The following DNAJC3 variants were observed in gnomAD, a reference collection of about 807,000 sequenced individuals.
The protein encoded by DNAJC3 is dnaJ homolog subfamily C member 3.
A neutral mutation model predicts 68.6 loss-of-function variants in DNAJC3; 38 were observed. The ratio of observed to expected loss-of-function variants is 0.55; its 90% CI spans 0.43 to 0.73. The LOEUF (loss-of-function observed/expected upper bound fraction) is 0.73. Among genes scored for constraint, DNAJC3 ranks in the 30% least tolerant of loss-of-function variants. The probability of loss-of-function intolerance (pLI) is 0.00; values close to 1 mark genes in which losing one functional copy is unlikely to be tolerated. For synonymous variants in DNAJC3, 203 were observed against 204.0 expected, an observed-to-expected ratio of 1.00 and a Z score of 0.04; for missense variants, 526 against 591.9, an observed-to-expected ratio of 0.89 and a Z score of 1.16.
intron 11 of DNAJC3, 102 bp downstream of exon 11, chr13:95,787,257 CG>C (rs1318056258): frequency 6.9e-7 from 1 of 1,446,332 alleles, no homozygotes; most frequent in Non-Finnish European, 9.3e-7. Context: ...TAGGCAGTGA[CG>C]GGTCCTGAGC....
chr13:95,740,436 C>G (rs1262128167), intron 4 of DNAJC3, among the ~76,000 whole-genome samples: 6 of 152,224 alleles, frequency 3.9e-5, no homozygotes, highest in Non-Finnish European at 5.9e-5. Context: ...AGTTTGATCT[C>G]AGACTGCTGT....
At chr13:95,691,920 C>T (rs1043436989) in intron 1 of DNAJC3, among the ~76,000 whole-genome samples, 39 of 152,202 alleles carry the variant, frequency 2.6e-4, no homozygotes, top group Non-Finnish European at 4.7e-4. Flanking sequence ...TCAGGCGTGG[C>T]GGCGCGCGCC....
intron 9 of DNAJC3, among the ~76,000 whole-genome samples, chr13:95,764,669 T>TACACACAC (rs1484784238): frequency 1.6e-5 from 2 of 124,456 alleles, no homozygotes; most frequent in African/African-American, 6.6e-5. Flanking sequence ...TATATATATA[T>TACACACAC]ATATATATAT....
chr13:95,770,050 A>G (rs1368669459), intron 9 of DNAJC3, among the ~76,000 whole-genome samples: 2 of 152,234 alleles, frequency 1.3e-5, no homozygotes, highest in African/African-American at 4.8e-5. Flanking sequence ...CTGCAGGTGC[A>G]TAGCTGGGAC....
chr13:95,706,296 C>T (rs1880743489), intron 1 of DNAJC3, among the ~76,000 whole-genome samples: 1 of 152,126 alleles, frequency 6.6e-6, no homozygotes, highest in Non-Finnish European at 1.5e-5. Context: ...TGGGCATGGC[C>T]CCATTCTAGT....
chr13:95,690,653 C>G (rs1402840584), intron 1 of DNAJC3, among the ~76,000 whole-genome samples: 1 of 143,516 alleles, frequency 7.0e-6, no homozygotes, highest in Non-Finnish European at 1.5e-5. Context: ...GGCGGCTGGC[C>G]GGGCGGGGGG....
chr13:95,712,664 G>A (rs967472309), intron 2 of DNAJC3, among the ~76,000 whole-genome samples: 65 of 152,232 alleles, frequency 4.3e-4, no homozygotes, highest in African/African-American at 1.4e-3. Context: ...GAGCCACCGT[G>A]CCTGGCCTAG....
intron 4 of DNAJC3, among the ~76,000 whole-genome samples, chr13:95,739,903 T>C (rs1000539411): frequency 2.0e-5 from 3 of 152,230 alleles, no homozygotes; most frequent in Admixed American, 1.3e-4. Flanking sequence ...TTTTAGAGTT[T>C]CCAGTTTTTC....
intron 1 of DNAJC3, among the ~76,000 whole-genome samples, chr13:95,703,840 T>C (rs1478551538): frequency 6.6e-6 from 1 of 152,172 alleles, no homozygotes; most frequent in African/African-American, 2.4e-5. Flanking sequence ...TTTTTTTTTT[T>C]TTAACCTGAT....
intron 11 of DNAJC3, among the ~76,000 whole-genome samples, chr13:95,788,173 A>C (rs1488635967): frequency 6.6e-6 from 1 of 152,260 alleles, no homozygotes; most frequent in Non-Finnish European, 1.5e-5. Context: ...AATCCAGTAA[A>C]GGAGACAGAA....
intron 9 of DNAJC3, among the ~76,000 whole-genome samples, chr13:95,781,972 G>A (rs752936545): frequency 5.9e-5 from 9 of 151,702 alleles, no homozygotes; most frequent in East Asian, 1.9e-4. Context: ...ACCTCCCCAC[G>A]GGCCCTGGTG....
rs79296486 is a variant in DNAJC3, at chr13:95,696,984, G to A, written c.83-12243G>A. Among the ~76,000 whole-genome samples, 1,239 of 152,224 alleles carry A rather than the reference G, an allele frequency of 8.1e-3. 8 individuals are homozygous for A. Among genetic ancestry groups the A allele is most frequent in the Non-Finnish European group, 0.014 (924 of 68,000 alleles). Reference sequence around the variant, plus strand: ...GTCTTGTTTTTTTATCCAGTTTGCCGTTGTATCTGTTAGGTGGAGCATTTA... The same window carrying A: ...GTCTTGTTTTTTTATCCAGTTTGCCATTGTATCTGTTAGGTGGAGCATTTA... On this transcript the variant is annotated intron_variant, in intron 1 of 11. Transcript: ENST00000602402.
At chr13:95,720,318 A>G (rs1881283081) in intron 2 of DNAJC3, among the ~76,000 whole-genome samples, 1 of 152,194 alleles carries the variant, frequency 6.6e-6, no homozygotes, top group Non-Finnish European at 1.5e-5. Flanking sequence ...CTTAGTGTGA[A>G]TAAGCCATGG....
chr13:95,715,371 G>A (rs982071784), intron 2 of DNAJC3, among the ~76,000 whole-genome samples: 10 of 152,284 alleles, frequency 6.6e-5, no homozygotes, highest in African/African-American at 2.2e-4. Context: ...AGTGTGCTCT[G>A]GCCTGGACAA....
intron 4 of DNAJC3, among the ~76,000 whole-genome samples, chr13:95,750,262 CAAA>C (rs1204619522): frequency 3.0e-5 from 2 of 65,710 alleles, no homozygotes; most frequent in African/African-American, 4.9e-5. Flanking sequence ...GACCCTGTCT[CAAA>C]AAAAAAAAAA....
At chr13:95,777,637 A>G (rs1463578992) in intron 9 of DNAJC3, among the ~76,000 whole-genome samples, 3 of 152,238 alleles carry the variant, frequency 2.0e-5, no homozygotes, top group Non-Finnish European at 4.4e-5. Flanking sequence ...TTGAGAATCT[A>G]TGAATATATC....
At chr13:95,776,064 G>A (rs1883283145) in intron 9 of DNAJC3, among the ~76,000 whole-genome samples, 1 of 151,428 alleles carries the variant, frequency 6.6e-6, no homozygotes, top group African/African-American at 2.4e-5. Context: ...GCTGTGCCTG[G>A]CCTGCTGCAC....
chr13:95,785,027 A>G (rs1015389220), intron 9 of DNAJC3, among the ~76,000 whole-genome samples: 1 of 152,164 alleles, frequency 6.6e-6, no homozygotes, highest in Non-Finnish European at 1.5e-5. Context: ...TACTGGGACT[A>G]TATGTATTTT....
At chr13:95,707,642 G>T (rs1181934166) in intron 1 of DNAJC3, among the ~76,000 whole-genome samples, 1 of 152,176 alleles carries the variant, frequency 6.6e-6, no homozygotes, top group African/African-American at 2.4e-5. Flanking sequence ...CTCATGGTCC[G>T]TTGAGGAGAG....
Sources: allele counts gnomAD v4.1 joint callset (sites outside exome capture counted in the v4.1 genomes callset), GRCh38; gene constraint gnomAD v4.1.1; transcripts MANE v1.5; gene names NCBI Gene and HGNC (gene_info 2026-07-23, HGNC 2026-07-21).